The following MTAP variants were observed in gnomAD, a reference collection of about 807,000 sequenced individuals.
MTAP encodes the protein S-methyl-5'-thioadenosine phosphorylase.
MTAP carries 33 observed loss-of-function variants against 33.6 expected under a neutral mutation model. The observed-to-expected ratio is 0.98, with a 90% CI of 0.74 to 1.31. The LOEUF is 1.31. Ranked by LOEUF, MTAP falls within the 40% of genes most tolerant of loss-of-function variation. MTAP has a pLI of 0.00. For missense variants in MTAP, 367 were observed against 360.0 expected, an observed-to-expected ratio of 1.02 and a Z score of -0.16; for synonymous variants, 148 against 125.7, an observed-to-expected ratio of 1.18 and a Z score of -1.19.
intron 1 of MTAP, among the ~76,000 whole-genome samples, chr9:21,879,565 T>C (rs905091233): frequency 6.6e-6 from 1 of 152,144 alleles, no homozygotes; most frequent in African/African-American, 2.4e-5. Context: ...AAGGTTAGTA[T>C]CAATATGTGT....
intron 1 of MTAP, among the ~76,000 whole-genome samples, chr9:21,809,411 G>C (rs1356714637): frequency 6.6e-6 from 1 of 151,816 alleles, no homozygotes; most frequent in East Asian, 1.9e-4. Context: ...AGGCTGAGGC[G>C]GGCGGATCAC....
At chr9:21,811,893 C>T (rs1824359232) in intron 1 of MTAP, 2 of 385,672 alleles carry the variant, frequency 5.2e-6, no homozygotes, top group South Asian at 4.3e-5. Flanking sequence ...TGGGAAGTCA[C>T]ACACAGCTGT....
intron 4 of MTAP, 23 bp from the exon 5 acceptor site, chr9:21,837,885 A>AC (rs1554643966): frequency 6.3e-6 from 10 of 1,594,602 alleles, no homozygotes; most frequent in Non-Finnish European, 6.9e-6. Flanking sequence ...ACAAACAAAA[A>AC]CCTTTTTTGC....
intron 7 of MTAP, 50 bp from the exon 8 acceptor site, chr9:21,861,926 C>A: frequency 9.8e-7 from 1 of 1,018,918 alleles, no homozygotes; most frequent in South Asian, 1.3e-5. Context: ...ACAAACATCT[C>A]AGTAATTACG....
intron 4 of MTAP, among the ~76,000 whole-genome samples, chr9:21,830,115 A>G (rs1824930306): frequency 1.3e-5 from 2 of 152,244 alleles, no homozygotes; most frequent in Non-Finnish European, 2.9e-5. Flanking sequence ...CATAGCAATT[A>G]AAGTGAAAAT....
At chr9:21,878,542 G>A (rs1468518382) in intron 1 of MTAP, among the ~76,000 whole-genome samples, 1 of 151,642 alleles carries the variant, frequency 6.6e-6, no homozygotes, top group African/African-American at 2.4e-5. Context: ...TTGTATTTTG[G>A]GTAGAGGCAG....
At chr9:21,893,341 G>A (rs996668531) in intron 1 of MTAP, 4 of 152,130 alleles carry the variant, frequency 2.6e-5, no homozygotes, top group African/African-American at 9.7e-5. Flanking sequence ...CCAAGAGGAT[G>A]TAGAAAAACA....
At chr9:21,917,841 G>T (rs149299227) in intron 1 of MTAP, among the ~76,000 whole-genome samples, 1 of 152,144 alleles carries the variant, frequency 6.6e-6, no homozygotes, top group East Asian at 1.9e-4. Flanking sequence ...ACCAATCTAA[G>T]TGCCCATCGA....
At chr9:21,813,712 C>T (rs1824407960) in intron 1 of MTAP, 1 of 152,150 alleles carries the variant, frequency 6.6e-6, no homozygotes. Context: ...GCTGAATCCC[C>T]AGGGAGCTGG....
intron 1 of MTAP, among the ~76,000 whole-genome samples, chr9:21,886,391 C>T (rs1818111327): frequency 1.3e-5 from 2 of 152,068 alleles, no homozygotes; most frequent in Non-Finnish European, 2.9e-5. Context: ...TTTTCTTCCA[C>T]TCTGTGGGTT....
chr9:21,883,984 G>A (rs1307810715), intron 1 of MTAP, among the ~76,000 whole-genome samples: 2 of 152,158 alleles, frequency 1.3e-5, no homozygotes, highest in African/African-American at 4.8e-5. Flanking sequence ...ATATTGCAGA[G>A]TAATCTCAGG....
At chr9:21,806,542 G>A (rs1382338954) in intron 1 of MTAP, among the ~76,000 whole-genome samples, 1 of 152,074 alleles carries the variant, frequency 6.6e-6, no homozygotes, top group Non-Finnish European at 1.5e-5. Flanking sequence ...GTTGAGGGAG[G>A]GAGGAAGCCA....
chr9:21,819,645 G>T (rs1340729205), intron 4 of MTAP, among the ~76,000 whole-genome samples: 1 of 152,066 alleles, frequency 6.6e-6, no homozygotes, highest in Non-Finnish European at 1.5e-5. Context: ...TAATCCTTTG[G>T]GTATATACCC....
chr9:21,851,625 G>T (rs1418702823), intron 5 of MTAP, among the ~76,000 whole-genome samples: 1 of 152,142 alleles, frequency 6.6e-6, no homozygotes. Context: ...ACTTGTGATG[G>T]TTAACACTGA....
At chr9:21,805,077 A>G (rs1188950930) in intron 1 of MTAP, among the ~76,000 whole-genome samples, 1 of 152,228 alleles carries the variant, frequency 6.6e-6, no homozygotes, top group Non-Finnish European at 1.5e-5. Flanking sequence ...TCTGAACCCC[A>G]TTGGTGTCAC....
At chr9:21,883,384 T>G (rs767336081) in intron 1 of MTAP, among the ~76,000 whole-genome samples, 1 of 152,108 alleles carries the variant, frequency 6.6e-6, no homozygotes, top group East Asian at 1.9e-4. Flanking sequence ...AACTCCAAGT[T>G]TGGGCAAAGA....
intron 1 of MTAP, among the ~76,000 whole-genome samples, chr9:21,897,882 T>A (rs11562144): frequency 0.23 from 35,518 of 152,048 alleles, 4,433 homozygotes; most frequent in Admixed American, 0.36. Flanking sequence ...AAAAAACTAC[T>A]TTAAAGGTCA....
downstream of MTAP, chr9:21,932,877 TC>T (rs112119023): frequency 4.0e-4 from 61 of 152,298 alleles, 1 homozygote; most frequent in African/African-American, 1.4e-3. Context: ...ACAATATCCT[TC>T]TTTCTACCCT....
At chr9:21,815,708 C>T (rs191785083) in intron 2 of MTAP, 189 bp downstream of exon 2, 10 of 577,560 alleles carry the variant, frequency 1.7e-5, no homozygotes, top group East Asian at 1.3e-4. Flanking sequence ...TGATGGGCGC[C>T]TCACACTTTG....
Sources: allele counts gnomAD v4.1 joint callset (sites outside exome capture counted in the v4.1 genomes callset), GRCh38; gene constraint gnomAD v4.1.1; transcripts MANE v1.5; gene names NCBI Gene and HGNC (gene_info 2026-07-23, HGNC 2026-07-21).